The following POLN variants were observed in gnomAD, a reference collection of about 807,000 sequenced individuals.
POLN encodes DNA polymerase nu, also known as DNA polymerase N.
In POLN, 108 loss-of-function variants were observed where a neutral mutation model predicts 113.5. The ratio of observed to expected loss-of-function variants is 0.95; its 90% CI spans 0.81 to 1.12. The LOEUF is 1.12. Among genes scored for constraint, POLN ranks in the 50% most tolerant of loss-of-function variants. POLN has a pLI of 0.00. For synonymous variants in POLN, 386 were observed against 391.5 expected, an observed-to-expected ratio of 0.99 and a Z score of 0.17; for missense variants, 1,097 against 1,077.1, an observed-to-expected ratio of 1.02 and a Z score of -0.26.
At chr4:2,085,549 T>A (rs1730527789) in intron 21 of POLN, 64 bp downstream of exon 21, 1 of 1,597,822 alleles carries the variant, frequency 6.3e-7, no homozygotes, top group African/African-American at 1.3e-5. Flanking sequence ...ACCACGCAGC[T>A]GTCCCCCCAT....
At chr4:2,081,343 T>C in intron 22 of POLN, 2 of 703,982 alleles carry the variant, frequency 2.8e-6, no homozygotes, top group Non-Finnish European at 4.7e-6. Context: ...CCAGGTCTCC[T>C]AAACCATAGA....
At chr4:2,215,978 C>T (rs1734103902) in intron 3 of POLN, among the ~76,000 whole-genome samples, 5 of 152,326 alleles carry the variant, frequency 3.3e-5, no homozygotes, top group Admixed American at 2.6e-4. Context: ...AGGTAAGCCC[C>T]TGGCCACCAT....
intron 5 of POLN, among the ~76,000 whole-genome samples, chr4:2,205,801 G>A (rs1290425867): frequency 6.6e-6 from 1 of 151,600 alleles, no homozygotes; most frequent in African/African-American, 2.4e-5. Flanking sequence ...CTTGAACCCA[G>A]GAGGCAGAGG....
chr4:2,217,036 T>C (rs1051758892), intron 3 of POLN, among the ~76,000 whole-genome samples: 5 of 152,224 alleles, frequency 3.3e-5, no homozygotes, highest in Admixed American at 6.5e-5. Flanking sequence ...TGTGTCCCCA[T>C]GGTGAATGTT....
intron 16 of POLN, among the ~76,000 whole-genome samples, chr4:2,133,147 G>GAAAAAA (rs767443172): frequency 6.4e-5 from 1 of 15,530 alleles, no homozygotes; most frequent in Admixed American, 6.6e-4. Flanking sequence ...ATAAAAAATG[G>GAAAAAA]CAAAAAAAAA....
chr4:2,202,723 C>CAAAAAAAAAAAAAA (rs34712930), intron 5 of POLN, among the ~76,000 whole-genome samples: 1 of 36,850 alleles, frequency 2.7e-5, no homozygotes, highest in Non-Finnish European at 5.4e-5. Flanking sequence ...GACTCTGTCT[C>CAAAAAAAAAAAAAA]AAAAAAAAAA....
intron 14 of POLN, among the ~76,000 whole-genome samples, 171 bp downstream of exon 14, chr4:2,158,984 C>A (rs1464591471): frequency 6.6e-6 from 1 of 152,172 alleles, no homozygotes; most frequent in Non-Finnish European, 1.5e-5. Flanking sequence ...GGTAAAATCA[C>A]ATGGGGTACA....
rs569419026 is a variant in POLN, at chr4:2,137,855, G to C, written c.1732-6565C>G. Among the ~76,000 whole-genome samples, 7 of 152,142 alleles carry C rather than the reference G, an allele frequency of 4.6e-5. No homozygotes were observed. The East Asian group carries it at 1.4e-3, about 29-fold the overall frequency. ...TCTTCGGTCGGGGGGCGGGTCGGTGGGGGAACAGAGTCTTACTCTGTAACC... is the reference window on the plus strand; with the variant it reads ...TCTTCGGTCGGGGGGCGGGTCGGTGCGGGAACAGAGTCTTACTCTGTAACC... On this transcript the variant is annotated intron_variant, in intron 16 of 25. Transcript: ENST00000511885.
intron 19 of POLN, among the ~76,000 whole-genome samples, chr4:2,122,031 AATACTTGG>A (rs1731455942): frequency 6.6e-6 from 1 of 152,140 alleles, no homozygotes; most frequent in African/African-American, 2.4e-5. Context: ...GCTTTGCTGT[AATACTTGG>A]TTAGCAACAG....
chr4:2,115,230 T>TATA (rs1386479317), intron 19 of POLN, among the ~76,000 whole-genome samples: 10 of 114,408 alleles, frequency 8.7e-5, no homozygotes, highest in South Asian at 5.3e-4. Flanking sequence ...ATATATATAT[T>TATA]TTTTTTTTTG....
chr4:2,176,358 T>C (rs1308493006), intron 8 of POLN, 24 bp from the exon 9 acceptor site: 2 of 1,554,036 alleles, frequency 1.3e-6, no homozygotes, highest in Non-Finnish European at 1.7e-6. Context: ...AAAGTATTTT[T>C]AAAAATCAGA....
At chr4:2,206,064 T>C (rs115164294) in intron 5 of POLN, among the ~76,000 whole-genome samples, 6,158 of 152,038 alleles carry the variant, frequency 0.041, 455 homozygotes, top group African/African-American at 0.14. Context: ...CATAGACCAA[T>C]TGAACCAAAT....
chr4:2,123,726 A>G (rs956381531), intron 19 of POLN, among the ~76,000 whole-genome samples: 7 of 151,518 alleles, frequency 4.6e-5, no homozygotes, highest in Non-Finnish European at 4.4e-5. Context: ...AATCACTCAA[A>G]CCTGGGAGGC....
intron 3 of POLN, among the ~76,000 whole-genome samples, chr4:2,218,597 A>ACTTGCCATTTCTTG (rs1204412834): frequency 1.3e-5 from 2 of 152,124 alleles, no homozygotes; most frequent in Non-Finnish European, 2.9e-5. Flanking sequence ...CAGCTAACAA[A>ACTTGCCATTTCTTG]CTTGCCATTT....
In POLN at chr4:2,239,971, G is replaced by A. The variant is rs1431899241; in HGVS notation, c.-13+1549C>T. 3 of 1,227,974 alleles carry A rather than the reference G, an allele frequency of 2.4e-6. No homozygotes were observed. In the South Asian group the frequency reaches 3.8e-5, roughly 16 times the overall value. 76.1% of individuals were successfully genotyped at this position (1,227,974 alleles called of 1,614,324 possible). A position where few individuals can be genotyped will look rare whatever the true frequency, so the allele number is the denominator to read the frequency against. On this transcript the variant is annotated intron_variant, in intron 2 of 25. Coordinates refer to ENST00000511885, the MANE Select transcript of POLN (RefSeq NM_181808.4). ...TGCACCATTCTAAAGTACTTTAACA[G>A]CAATATTATCTCCTCTATTCCTAAC...
rs895609295 is a variant in POLN at position 2,177,211 on chromosome 4, C to T, written c.1180-877G>A. On this transcript the variant is annotated intron_variant, in intron 8 of 25. Transcript: ENST00000511885. Reference sequence around the variant, plus strand: ...CCATGTGACTCCTAGTTTGAATACCCCCAGGACAGGCCCAGCTCCCTGGTA... The same window carrying T: ...CCATGTGACTCCTAGTTTGAATACCTCCAGGACAGGCCCAGCTCCCTGGTA... The T allele has an allele frequency of 9.2e-6, 4 of 432,498 alleles. No individual in the cohort carries two copies. In the East Asian group the frequency reaches 2.3e-4, roughly 24 times the overall value. The allele number at this position is 432,498 out of a possible 1,614,324, so 26.8% of individuals were successfully genotyped here.
At chr4:2,231,954 C>A (rs778000123) in intron 2 of POLN, 22 of 1,417,484 alleles carry the variant, frequency 1.6e-5, no homozygotes, top group Non-Finnish European at 2.1e-5. Flanking sequence ...CAGCCTTAAT[C>A]TTTGATTGAG....
At chr4:2,210,630 T>TAATAATAATAAA (rs1009445902) in intron 4 of POLN, among the ~76,000 whole-genome samples, 1 of 88,606 alleles carries the variant, frequency 1.1e-5, no homozygotes, top group African/African-American at 5.8e-5. Context: ...ATAATAATAA[T>TAATAATAATAAA]AAAAAAAAGA....
intron 19 of POLN, among the ~76,000 whole-genome samples, chr4:2,110,050 C>T (rs1200710446): frequency 6.6e-6 from 1 of 152,166 alleles, no homozygotes; most frequent in East Asian, 1.9e-4. Context: ...TCTCAGACCA[C>T]AGAGCAATCA....
Sources: gnomAD v4.1 joint callset for allele counts (sites outside exome capture counted in the v4.1 genomes callset) on GRCh38, gnomAD v4.1.1 for gene constraint, MANE v1.5 for transcripts, NCBI Gene and HGNC (gene_info 2026-07-23, HGNC 2026-07-21) for gene names.